The following ARHGAP21 variants were observed in gnomAD, a reference collection of about 807,000 sequenced individuals.
ARHGAP21 encodes Rho GTPase activating protein 21.
In ARHGAP21, 38 loss-of-function variants were observed where a neutral mutation model predicts 164.6. That is an observed-to-expected ratio of 0.23 (90% CI 0.18 to 0.30). ARHGAP21 has a LOEUF of 0.30. ARHGAP21 is among the 10% of genes least tolerant of loss of function. The pLI, the probability that ARHGAP21 is intolerant of heterozygous loss-of-function variation, is 1.00. For missense variants in ARHGAP21, 1,822 were observed against 2,370.7 expected, an observed-to-expected ratio of 0.77 and a Z score of 4.81; for synonymous variants, 766 against 857.9, an observed-to-expected ratio of 0.89 and a Z score of 1.87.
chr10:24,635,536 T>A (rs1007582089), intron 4 of ARHGAP21, among the ~76,000 whole-genome samples: 1 of 150,112 alleles, frequency 6.7e-6, no homozygotes, highest in Non-Finnish European at 1.5e-5. Flanking sequence ...TTTTGTTTTT[T>A]GTTTTGTTTT....
chr10:24,660,573 C>T (rs1839582443), intron 4 of ARHGAP21, among the ~76,000 whole-genome samples: 1 of 151,946 alleles, frequency 6.6e-6, no homozygotes, highest in South Asian at 2.1e-4. Context: ...GTACAGGATA[C>T]CTTTACCAAA....
At chr10:24,712,261 T>C (rs1303726717) in intron 2 of ARHGAP21, among the ~76,000 whole-genome samples, 1 of 152,030 alleles carries the variant, frequency 6.6e-6, no homozygotes, top group Non-Finnish European at 1.5e-5. Context: ...ACATATGACC[T>C]TACAAGAGAA....
chr10:24,655,365 T>C (rs1838706444), intron 4 of ARHGAP21, among the ~76,000 whole-genome samples: 1 of 152,170 alleles, frequency 6.6e-6, no homozygotes. Flanking sequence ...TTTTACAATC[T>C]ACCCATCTGA....
At chr10:24,697,969 T>C (rs914489899) in intron 2 of ARHGAP21, among the ~76,000 whole-genome samples, 4 of 152,112 alleles carry the variant, frequency 2.6e-5, no homozygotes, top group Non-Finnish European at 5.9e-5. Flanking sequence ...GGGGGGGAAA[T>C]TCTAAGGCAT....
Position 24,633,469 on chromosome 10 carries a change from T to C in ARHGAP21, c.373A>G (p.Ile125Val). The change falls in exon 6 of 26, where the codon ATA becomes GTA. Residue 125 changes from isoleucine (I) to valine (V), a missense_variant. Transcript: ENST00000396432. ...ATAACACTTTCTCCATTGACTTTTA[T>C]AATTCGGTCACCTTCAAAGAGAAGT... ...EAGLCTGDRI[I>V]KVNGESVIGK... 1.2e-6 allele frequency: 2 copies of C among 1,610,758 alleles called. No homozygotes were observed. Among genetic ancestry groups the C allele is most frequent in the South Asian group, 1.1e-5 (1 of 90,804 alleles).
intron 4 of ARHGAP21, among the ~76,000 whole-genome samples, chr10:24,650,069 T>C (rs985415093): frequency 6.6e-6 from 1 of 152,108 alleles, no homozygotes; most frequent in Non-Finnish European, 1.5e-5. Flanking sequence ...GAGAATTTAG[T>C]AGCCATGGGA....
chr10:24,619,174 T>C (rs894744721), intron 9 of ARHGAP21, among the ~76,000 whole-genome samples: 4 of 152,224 alleles, frequency 2.6e-5, no homozygotes, highest in Non-Finnish European at 2.9e-5. Context: ...CAATTAGGTA[T>C]AATTTGCTTC....
intron 4 of ARHGAP21, among the ~76,000 whole-genome samples, chr10:24,646,968 T>G (rs1226507067): frequency 6.6e-6 from 1 of 152,208 alleles, no homozygotes; most frequent in African/African-American, 2.4e-5. Flanking sequence ...AAATTAATAT[T>G]CTGCAGAACA....
chr10:24,584,493 A>G lies in ARHGAP21; in HGVS notation c.5796T>C (p.Asn1932=), dbSNP rs1280498226. ...NGESFQNVSK[N]ASSAANAQPH... is the part of the protein sequence containing the mutation. ...GTTGGGCATTCGCTGCAGAACTAGC[A>G]TTTTTGCTCACGTTCTGGAAGCTTT... Residue 1932 remains asparagine (N), a synonymous_variant, in exon 26 of 26, where the codon AAT becomes AAC. Coordinates refer to ENST00000396432, the MANE Select transcript of ARHGAP21 (RefSeq NM_020824.4). The G allele has an allele frequency of 2.2e-5, 36 of 1,613,760 alleles. No individual in the cohort carries two copies. The highest frequency in any genetic ancestry group is 2.9e-5 in the Non-Finnish European group (34 of 1,179,850).
chr10:24,722,289 C>G lies in ARHGAP21; in HGVS notation c.-380-10G>C, dbSNP rs906419635. 17 of 215,870 alleles carry G rather than the reference C, an allele frequency of 7.9e-5. No homozygotes were observed. Among genetic ancestry groups the G allele is most frequent in the Non-Finnish European group, 1.2e-4 (13 of 104,248 alleles). 13.4% of individuals were successfully genotyped at this position (215,870 alleles called of 1,614,324 possible). On this transcript the variant is annotated splice_polypyrimidine_tract_variant and intron_variant, in intron 1 of 25. Transcript: ENST00000396432. ...AGCTCCTAGAGAGATCCTAGGAAAA[C>G]GAGAAGTTAAAGGTCATGAACTTTC...
chr10:24,667,609 A>C (rs1242209917), intron 3 of ARHGAP21, among the ~76,000 whole-genome samples: 2 of 152,224 alleles, frequency 1.3e-5, no homozygotes, highest in Middle Eastern at 3.2e-3. Flanking sequence ...AAACCTTTAA[A>C]AACTAGTCTA....
chr10:24,604,453 C>T lies in ARHGAP21; in HGVS notation c.2685-105G>A, dbSNP rs575441963. ...AATTACTCTTTCAATAATAATCTGA[C>T]ATTTCATCATTATCATGTTAAATGT... On this transcript the variant is annotated intron_variant, in intron 11 of 25. Coordinates refer to ENST00000396432, the MANE Select transcript of ARHGAP21 (RefSeq NM_020824.4). 63 of 694,412 alleles carry T rather than the reference C, an allele frequency of 9.1e-5. No homozygotes were observed. The South Asian group carries it at 1.7e-3, about 18-fold the overall frequency. 43.0% of individuals were successfully genotyped at this position (694,412 alleles called of 1,614,324 possible). A position where few individuals can be genotyped will look rare whatever the true frequency, so the allele number is the denominator to read the frequency against.
chr10:24,606,857 A>T (rs974455430), intron 11 of ARHGAP21, among the ~76,000 whole-genome samples: 13 of 152,210 alleles, frequency 8.5e-5, no homozygotes, highest in African/African-American at 2.9e-4. Context: ...ATAAATTTTT[A>T]AAATAAATAA....
chr10:24,592,657 T>C (rs1439081512), intron 21 of ARHGAP21, among the ~76,000 whole-genome samples: 1 of 151,476 alleles, frequency 6.6e-6, no homozygotes, highest in Non-Finnish European at 1.5e-5. Flanking sequence ...GGTGTGTGCA[T>C]GCAGTCCCAG....
At chr10:24,636,196 C>A (rs1028244495) in intron 4 of ARHGAP21, among the ~76,000 whole-genome samples, 1 of 152,132 alleles carries the variant, frequency 6.6e-6, no homozygotes, top group Admixed American at 6.5e-5. Flanking sequence ...CTAGTTGTTT[C>A]AGTGAAATAG....
chr10:24,604,387 C>G, intron 11 of ARHGAP21, 39 bp from the exon 12 acceptor site: 1 of 1,387,910 alleles, frequency 7.2e-7, no homozygotes, highest in Admixed American at 2.0e-5. Context: ...TCAATTAGTG[C>G]AAAAAAAATC....
At chr10:24,697,217 A>G (rs6482414) in intron 2 of ARHGAP21, among the ~76,000 whole-genome samples, 122,971 of 152,014 alleles carry the variant, frequency 0.81, 49,900 homozygotes, top group African/African-American at 0.87. Context: ...CATCCAGAGG[A>G]AAAGGACAGC....
At chr10:24,708,885 G>A (rs1844502769) in intron 2 of ARHGAP21, among the ~76,000 whole-genome samples, 1 of 152,136 alleles carries the variant, frequency 6.6e-6, no homozygotes, top group African/African-American at 2.4e-5. Context: ...ACTGTGAATA[G>A]TGCTGCAACA....
chr10:24,709,474 A>G (rs1844559407), intron 2 of ARHGAP21, among the ~76,000 whole-genome samples: 1 of 152,162 alleles, frequency 6.6e-6, no homozygotes, highest in African/African-American at 2.4e-5. Context: ...ACTGCGTCTC[A>G]TGCCTGTAAT....
Sources: allele counts gnomAD v4.1 joint callset (sites outside exome capture counted in the v4.1 genomes callset), GRCh38; gene constraint gnomAD v4.1.1; transcripts MANE v1.5; gene names NCBI Gene and HGNC (gene_info 2026-07-23, HGNC 2026-07-21).